GRIP1: variants seen among roughly 807,000 people sequenced by gnomAD.
GRIP1 encodes the protein glutamate receptor interacting protein 1.
A neutral mutation model predicts 129.9 loss-of-function variants in GRIP1; 45 were observed. The ratio of observed to expected loss-of-function variants is 0.35; its 90% confidence interval spans 0.27 to 0.44. GRIP1 has a LOEUF of 0.44. Among genes scored for constraint, GRIP1 ranks in the 20% least tolerant of loss-of-function variants. GRIP1 has a pLI of 1.00. For synonymous variants in GRIP1, 530 were observed against 520.8 expected, an observed-to-expected ratio of 1.02 and a Z score of -0.24; for missense variants, 1,196 against 1,396.8, an observed-to-expected ratio of 0.86 and a Z score of 2.29.
At chr12:66,853,643 C>A (rs1297823961) in intron 1 of GRIP1, among the ~76,000 whole-genome samples, 2 of 152,008 alleles carry the variant, frequency 1.3e-5, no homozygotes, top group Non-Finnish European at 2.9e-5. Flanking sequence ...TTTGAAATGT[C>A]TTTTTCTCAC....
At chr12:66,984,775 C>T in intron 1 of GRIP1, among the ~76,000 whole-genome samples, 1 of 152,112 alleles carries the variant, frequency 6.6e-6, no homozygotes, top group East Asian at 1.9e-4. Flanking sequence ...GTAAACAGCC[C>T]CTCTTATAGA....
intron 7 of GRIP1, among the ~76,000 whole-genome samples, chr12:66,478,058 CA>C (rs1471458793): frequency 2.0e-4 from 31 of 152,154 alleles, no homozygotes; most frequent in African/African-American, 6.3e-4. Flanking sequence ...AGCTTCTGTG[CA>C]GCAAAAGAAA....
chr12:66,569,696 A>G (rs1243982003), intron 2 of GRIP1, among the ~76,000 whole-genome samples: 1 of 152,068 alleles, frequency 6.6e-6, no homozygotes, highest in Non-Finnish European at 1.5e-5. Context: ...GTCCAGCAAG[A>G]AAGTAATTTG....
chr12:66,851,734 C>G (rs944962888), intron 1 of GRIP1, among the ~76,000 whole-genome samples: 1 of 152,078 alleles, frequency 6.6e-6, no homozygotes, highest in Non-Finnish European at 1.5e-5. Context: ...GGTAACTTAA[C>G]CAAGCCTCTG....
At chr12:67,035,444 T>A (rs2043081339) in intron 1 of GRIP1, 1 of 152,238 alleles carries the variant, frequency 6.6e-6, no homozygotes, top group Admixed American at 6.5e-5. Flanking sequence ...GACATTTGTC[T>A]GAGTAGTATT....
intron 1 of GRIP1, among the ~76,000 whole-genome samples, chr12:66,692,548 A>G (rs1257698031): frequency 6.6e-6 from 1 of 152,216 alleles, no homozygotes; most frequent in Non-Finnish European, 1.5e-5. Context: ...GAGATTTAAA[A>G]AAAAACAAAG....
intron 11 of GRIP1, 27 bp downstream of exon 11, chr12:66,455,382 A>G (rs750003755): frequency 3.7e-6 from 6 of 1,611,768 alleles, no homozygotes; most frequent in Non-Finnish European, 5.1e-6. Context: ...TTCCAGGCCA[A>G]ATGCCATTGG....
chr12:66,521,684 G>A (rs192588689), intron 5 of GRIP1, among the ~76,000 whole-genome samples: 11 of 152,314 alleles, frequency 7.2e-5, no homozygotes, highest in African/African-American at 2.4e-4. Context: ...CACCGGGCGC[G>A]AGCCAAAGCA....
At chr12:66,992,067 T>C (rs1023043955) in intron 1 of GRIP1, among the ~76,000 whole-genome samples, 1 of 152,210 alleles carries the variant, frequency 6.6e-6, no homozygotes, top group Non-Finnish European at 1.5e-5. Flanking sequence ...GTTTCCTTAA[T>C]AGGCATAGAT....
chr12:66,952,464 C>T (rs1254592455), intron 1 of GRIP1, among the ~76,000 whole-genome samples: 1 of 152,148 alleles, frequency 6.6e-6, no homozygotes, highest in Non-Finnish European at 1.5e-5. Context: ...AAATAAAAAT[C>T]ACATGCAGTA....
intron 14 of GRIP1, among the ~76,000 whole-genome samples, chr12:66,425,527 T>C (rs1256823537): frequency 1.3e-5 from 2 of 152,192 alleles, no homozygotes; most frequent in Non-Finnish European, 2.9e-5. Flanking sequence ...TGCACACGTA[T>C]GTTTATTGGG....
chr12:66,767,093 G>T (rs2037663727), intron 1 of GRIP1, among the ~76,000 whole-genome samples: 1 of 151,598 alleles, frequency 6.6e-6, no homozygotes, highest in African/African-American at 2.4e-5. Flanking sequence ...TCATTTTCTG[G>T]ATTAATTTCT....
chr12:67,039,323 C>T (rs2043142454), intron 1 of GRIP1, among the ~76,000 whole-genome samples: 1 of 152,176 alleles, frequency 6.6e-6, no homozygotes, highest in African/African-American at 2.4e-5. Flanking sequence ...GTCTTTTTCA[C>T]ATTCCATATA....
At chr12:66,743,108 A>G (rs2036839375) in intron 1 of GRIP1, among the ~76,000 whole-genome samples, 1 of 152,040 alleles carries the variant, frequency 6.6e-6, no homozygotes, top group Admixed American at 6.6e-5. Context: ...AAAGAAGAGA[A>G]CCATTCTCCA....
chr12:67,011,565 T>C (rs1281247712), intron 1 of GRIP1, among the ~76,000 whole-genome samples: 1 of 152,086 alleles, frequency 6.6e-6, no homozygotes, highest in African/African-American at 2.4e-5. Flanking sequence ...CAGAATTCCA[T>C]GCAGGTCATC....
chr12:66,973,903 GCTTTT>G lies in GRIP1; in HGVS notation c.58+95142_58+95146del, dbSNP rs1223914954. On this transcript the variant is annotated intron_variant, in intron 1 of 1. Transcript: ENST00000643019. The stretch of plus-strand genomic sequence containing the variant: ...TTTTCCTAGAATACACAGTTAGAAG[GCTTTT>G]CTTTTCTTTTCTTTTTTTTTTTTTT... Among the ~76,000 whole-genome samples the G allele has an allele frequency of 2.5e-4, 34 of 137,956 alleles. No individual in the cohort carries two copies. The South Asian group carries it at 4.9e-3, about 20-fold the overall frequency. The allele number at this position is 137,956 out of a possible 152,430, so 90.5% of individuals were successfully genotyped here.
In GRIP1 at chr12:66,379,454, T is replaced by A; in HGVS notation, c.2465-18A>T. 1 of 1,613,122 alleles carries A rather than the reference T, an allele frequency of 6.2e-7. No individual in the cohort carries two copies. On this transcript the variant is annotated intron_variant, in intron 19 of 24. Transcript: ENST00000359742. Reference sequence around the variant, plus strand: ...ACTAGTGCCTAAAATATAAACAAGGTGTTAGCATTGGGCCCAAGGATTACT... The same window carrying A: ...ACTAGTGCCTAAAATATAAACAAGGAGTTAGCATTGGGCCCAAGGATTACT...
intron 5 of GRIP1, among the ~76,000 whole-genome samples, chr12:66,525,620 C>G (rs889257050): frequency 6.6e-6 from 1 of 151,634 alleles, no homozygotes; most frequent in Non-Finnish European, 1.5e-5. Flanking sequence ...AAAACTGGCA[C>G]AAGACAGGGA....
At chr12:66,435,253 G>A (rs916674707) in intron 13 of GRIP1, among the ~76,000 whole-genome samples, 3 of 148,858 alleles carry the variant, frequency 2.0e-5, no homozygotes, top group African/African-American at 7.5e-5. Context: ...CCAGGCTGGA[G>A]TACAGTGGCA....
Sources: gnomAD v4.1 joint callset for allele counts (sites outside exome capture counted in the v4.1 genomes callset) on GRCh38, gnomAD v4.1.1 for gene constraint, MANE v1.5 for transcripts, NCBI Gene and HGNC (gene_info 2026-07-23, HGNC 2026-07-21) for gene names.